GNPDA2: variants seen among roughly 807,000 people sequenced by gnomAD.
The protein encoded by GNPDA2 is glucosamine-6-phosphate deaminase 2.
A neutral mutation model predicts 27.0 loss-of-function variants in GNPDA2; 24 were observed. The ratio of observed to expected loss-of-function variants is 0.89; its 90% confidence interval spans 0.64 to 1.25. The LOEUF (loss-of-function observed/expected upper bound fraction) is 1.25, where lower values mean the gene tolerates loss of function less well. Ranked by LOEUF, GNPDA2 falls within the 50% of genes most tolerant of loss-of-function variation. The pLI, the probability that GNPDA2 is intolerant of heterozygous loss-of-function variation, is 0.00. For missense variants in GNPDA2, 286 were observed against 335.1 expected, an observed-to-expected ratio of 0.85 and a Z score of 1.14; for synonymous variants, 94 against 108.4, an observed-to-expected ratio of 0.87 and a Z score of 0.83.
chr4:44,706,910 T>C (rs903127537), intron 6 of GNPDA2: 14 of 152,074 alleles, frequency 9.2e-5, no homozygotes, highest in Non-Finnish European at 5.9e-5. Context: ...GCATACATAC[T>C]ACATAGTGAA....
chr4:44,715,844 C>G (rs956189882), intron 4 of GNPDA2, among the ~76,000 whole-genome samples: 12 of 151,990 alleles, frequency 7.9e-5, no homozygotes, highest in Non-Finnish European at 1.6e-4. Flanking sequence ...GAAGTAAAAA[C>G]TATCTTAAAG....
Position 44,702,970 on chromosome 4 carries a change from T to C in GNPDA2, c.*111A>G. On this transcript the variant is annotated 3_prime_UTR_variant, in exon 7 of 7. Transcript: ENST00000295448. Reference sequence around the variant, plus strand: ...TAACATAGAGACTCGAATGAAAAAATGACAATCTTCAAAATTCCCCATGTT... The same window carrying C: ...TAACATAGAGACTCGAATGAAAAAACGACAATCTTCAAAATTCCCCATGTT... 1 of 1,547,344 alleles carries C rather than the reference T, an allele frequency of 6.5e-7. No individual in the cohort carries two copies.
intron 4 of GNPDA2, among the ~76,000 whole-genome samples, chr4:44,712,844 TA>T (rs1717058686): frequency 6.6e-6 from 1 of 152,254 alleles, no homozygotes; most frequent in East Asian, 1.9e-4. Flanking sequence ...GATATAAAAT[TA>T]TTTTTTTAAA....
intron 5 of GNPDA2, among the ~76,000 whole-genome samples, chr4:44,709,186 G>T (rs1309435109): frequency 1.3e-5 from 2 of 152,056 alleles, no homozygotes; most frequent in African/African-American, 2.4e-5. Context: ...AACTTTTATT[G>T]GTGAGAAAAG....
intron 4 of GNPDA2, among the ~76,000 whole-genome samples, chr4:44,711,505 C>T (rs1022122606): frequency 6.6e-6 from 1 of 152,070 alleles, no homozygotes; most frequent in African/African-American, 2.4e-5. Context: ...TTTTTTAACA[C>T]ACAAAAGGAA....
At chr4:44,722,355 A>G (rs1717727284) in intron 1 of GNPDA2, 113 bp from the exon 2 acceptor site, 3 of 738,968 alleles carry the variant, frequency 4.1e-6, no homozygotes, top group Non-Finnish European at 6.3e-6. Flanking sequence ...TATACTGATG[A>G]TTTTTAAAAG....
Position 44,702,537 on chromosome 4 carries a change from C to T in GNPDA2, c.*544G>A. 2 of 986,346 alleles carry T rather than the reference C, an allele frequency of 2.0e-6. No individual in the cohort carries two copies. The highest frequency in any genetic ancestry group is 2.4e-6 in the Non-Finnish European group (2 of 830,326). The allele number at this position is 986,346 out of a possible 1,614,324, so 61.1% of individuals were successfully genotyped here. On this transcript the variant is annotated 3_prime_UTR_variant, in exon 7 of 7. Transcript: ENST00000295448. Reference sequence around the variant, plus strand: ...GTACTTTTAGGCACTGTCATCTCTTCAAATTTCCTTTACCAATGATATATA... The same window carrying T: ...GTACTTTTAGGCACTGTCATCTCTTTAAATTTCCTTTACCAATGATATATA...
Position 44,702,468 on chromosome 4 carries a change from C to CA in GNPDA2, c.*612dup. ...AAAAAGTGCTATAGAAGAAGGTGCACAAAAAACATGCACTTACACATACTT... is the reference window on the plus strand; with the variant it reads ...AAAAAGTGCTATAGAAGAAGGTGCACAAAAAAACATGCACTTACACATACTT... On this transcript the variant is annotated 3_prime_UTR_variant, in exon 7 of 7. Transcript: ENST00000295448. 2 of 981,112 alleles carry CA rather than the reference C, an allele frequency of 2.0e-6. No homozygotes were observed. The highest frequency in any genetic ancestry group is 4.7e-5 in the South Asian group (1 of 21,186). 60.8% of individuals were successfully genotyped at this position (981,112 alleles called of 1,614,324 possible).
At chr4:44,705,927 AGAG>A in intron 6 of GNPDA2, 1 of 152,134 alleles carries the variant, frequency 6.6e-6, no homozygotes, top group South Asian at 2.1e-4. Flanking sequence ...GCCTGGTCAT[AGAG>A]ATACTGGCTG....
In GNPDA2 at chr4:44,722,453, AGGCAGTG is replaced by A. The variant is rs1335717078; in HGVS notation, c.-35-218_-35-212del. ...CTCTTTTGAGCAGACACTGAGTTTA[AGGCAGTG>A]GGCTAGGTCATTTAAGTATAGTTAG... On this transcript the variant is annotated intron_variant, in intron 1 of 6. Transcript: ENST00000295448. Among the ~76,000 whole-genome samples the A allele has an allele frequency of 2.0e-5, 3 of 152,320 alleles. No homozygotes were observed. In the East Asian group the frequency reaches 5.8e-4, roughly 29 times the overall value.
At chr4:44,718,471 T>C in intron 2 of GNPDA2, 61 bp from the exon 3 acceptor site, 1 of 505,532 alleles carries the variant, frequency 2.0e-6, no homozygotes, top group East Asian at 3.6e-5. Flanking sequence ...ATAAACTTTT[T>C]ATTAACTTTA....
At chr4:44,709,438 T>TATAACAAA (rs1716833586) in intron 5 of GNPDA2, among the ~76,000 whole-genome samples, 1 of 152,144 alleles carries the variant, frequency 6.6e-6, no homozygotes, top group Non-Finnish European at 1.5e-5. Context: ...ATGGAATAAT[T>TATAACAAA]TGTTATGTTT....
At chr4:44,711,839 A>G (rs991084841) in intron 4 of GNPDA2, among the ~76,000 whole-genome samples, 9 of 151,346 alleles carry the variant, frequency 5.9e-5, no homozygotes, top group African/African-American at 2.2e-4. Context: ...ACACATATAC[A>G]ACACAAACAT....
rs1372247941 is a variant in GNPDA2 at position 44,702,952 on chromosome 4, G to A, written c.*129C>T. On this transcript the variant is annotated 3_prime_UTR_variant, in exon 7 of 7. Transcript: ENST00000295448. ...TTCAAAATATGGAATGTTTAACATA[G>A]AGACTCGAATGAAAAAATGACAATC... 1 of 1,516,514 alleles carries A rather than the reference G, an allele frequency of 6.6e-7. No individual in the cohort carries two copies. The highest frequency in any genetic ancestry group is 2.4e-5 in the East Asian group (1 of 41,748). The allele number at this position is 1,516,514 out of a possible 1,614,324, so 93.9% of individuals were successfully genotyped here. A position where few individuals can be genotyped will look rare whatever the true frequency, so the allele number is the denominator to read the frequency against.
At position 44,702,880 on chromosome 4, in the gene GNPDA2, C is replaced by T. The variant is rs1032229144; in HGVS notation, c.*201G>A. ...ACTTTATAATAAATAGCCAGTCAATCTTGAGAGCCAGCTACTTCTCTTAAA... is the reference window on the plus strand; with the variant it reads ...ACTTTATAATAAATAGCCAGTCAATTTTGAGAGCCAGCTACTTCTCTTAAA... On this transcript the variant is annotated 3_prime_UTR_variant, in exon 7 of 7. Coordinates refer to ENST00000295448, the MANE Select transcript of GNPDA2 (RefSeq NM_138335.3). 1 of 1,400,346 alleles carries T rather than the reference C, an allele frequency of 7.1e-7. No homozygotes were observed. The allele number at this position is 1,400,346 out of a possible 1,614,324, so 86.7% of individuals were successfully genotyped here.
At chr4:44,723,269 A>G (rs375472830) in intron 1 of GNPDA2, among the ~76,000 whole-genome samples, 1 of 152,204 alleles carries the variant, frequency 6.6e-6, no homozygotes, top group African/African-American at 2.4e-5. Flanking sequence ...AAAATGGTAT[A>G]AATTTAAGGG....
chr4:44,716,533 T>C (rs1717301730), intron 4 of GNPDA2, among the ~76,000 whole-genome samples: 1 of 151,858 alleles, frequency 6.6e-6, no homozygotes, highest in African/African-American at 2.4e-5. Context: ...CACACATATA[T>C]AAATTACAAG....
chr4:44,702,189 A>T lies in GNPDA2; in HGVS notation c.*892T>A, dbSNP rs1128553. On this transcript the variant is annotated 3_prime_UTR_variant, in exon 7 of 7. Coordinates refer to ENST00000295448, the MANE Select transcript of GNPDA2 (RefSeq NM_138335.3). ...ACACGCTTTATTTGAGTTAAAGATA[A>T]AAAACAATATACTTTTATGTAAATT... The T allele has an allele frequency of 1.5e-5, 13 of 849,030 alleles. No individual in the cohort carries two copies. The highest frequency in any genetic ancestry group is 1.8e-5 in the African/African-American group (1 of 54,422). The allele number at this position is 849,030 out of a possible 1,614,324, so 52.6% of individuals were successfully genotyped here.
intron 5 of GNPDA2, among the ~76,000 whole-genome samples, chr4:44,710,156 T>C (rs1171358783): frequency 6.6e-6 from 1 of 152,216 alleles, no homozygotes; most frequent in Non-Finnish European, 1.5e-5. Flanking sequence ...AGGTCTTTTA[T>C]TCATATACCT....
Sources: allele counts gnomAD v4.1 joint callset (sites outside exome capture counted in the v4.1 genomes callset), GRCh38; gene constraint gnomAD v4.1.1; transcripts MANE v1.5; gene names NCBI Gene and HGNC (gene_info 2026-07-23, HGNC 2026-07-21).